The following RAPGEF4 variants were observed in gnomAD, a reference collection of about 807,000 sequenced individuals.
RAPGEF4 encodes Rap guanine nucleotide exchange factor 4.
Under a neutral mutation model 147.9 loss-of-function variants are expected in RAPGEF4, and 66 were observed. The ratio of observed to expected loss-of-function variants is 0.45; its 90% CI spans 0.37 to 0.55. RAPGEF4 has a LOEUF of 0.55. RAPGEF4 is among the 20% of genes least tolerant of loss of function. RAPGEF4 has a pLI of 0.00. For synonymous variants in RAPGEF4, 419 were observed against 442.7 expected (o/e 0.95, Z 0.67); for missense variants, 1,071 against 1,257.3 (o/e 0.85, Z 2.24).
chr2:172,815,170 T>C (rs1368578234), intron 4 of RAPGEF4, among the ~76,000 whole-genome samples: 2 of 152,238 alleles, frequency 1.3e-5, no homozygotes, highest in Non-Finnish European at 2.9e-5. Context: ...TGTCCTTAGC[T>C]CAGTATGTCC....
At chr2:173,000,938 T>C (rs894985777) in intron 16 of RAPGEF4, among the ~76,000 whole-genome samples, 1 of 152,022 alleles carries the variant, frequency 6.6e-6, no homozygotes, top group African/African-American at 2.4e-5. Context: ...CGACCATGTC[T>C]TCGTTCTGCA....
intron 6 of RAPGEF4, among the ~76,000 whole-genome samples, chr2:172,949,486 C>T (rs77376478): frequency 4.9e-4 from 75 of 152,220 alleles, no homozygotes; most frequent in African/African-American, 1.7e-3. Context: ...TACCCTAACC[C>T]GATCAATAAT....
intron 4 of RAPGEF4, among the ~76,000 whole-genome samples, chr2:172,815,351 A>T (rs933696794): frequency 1.3e-5 from 2 of 152,254 alleles, no homozygotes; most frequent in Admixed American, 6.5e-5. Flanking sequence ...GCTTTGCCTT[A>T]AAAGTCATGC....
intron 27 of RAPGEF4, among the ~76,000 whole-genome samples, chr2:173,034,478 T>C (rs1317820161): frequency 1.3e-5 from 2 of 152,176 alleles, no homozygotes; most frequent in Non-Finnish European, 2.9e-5. Context: ...TTTGCTTTCA[T>C]AGGAAATATC....
At chr2:172,946,111 C>T (rs1404809302) in intron 6 of RAPGEF4, among the ~76,000 whole-genome samples, 1 of 152,020 alleles carries the variant, frequency 6.6e-6, no homozygotes, top group Non-Finnish European at 1.5e-5. Flanking sequence ...ATGCTGTATA[C>T]ATTTAAAGGA....
chr2:172,970,818 A>G (rs1042696441), intron 10 of RAPGEF4, among the ~76,000 whole-genome samples: 4 of 152,210 alleles, frequency 2.6e-5, no homozygotes, highest in African/African-American at 9.6e-5. Context: ...AAAAAAACAC[A>G]TACATTCTGC....
intron 1 of RAPGEF4, among the ~76,000 whole-genome samples, chr2:172,767,966 G>A (rs1213412431): frequency 4.6e-5 from 7 of 151,914 alleles, no homozygotes; most frequent in Admixed American, 3.3e-4. Context: ...GCCTGCCACC[G>A]TGCCCAGCTC....
At chr2:172,990,748 A>T in intron 14 of RAPGEF4, 62 bp from the exon 15 acceptor site, 1 of 1,243,902 alleles carries the variant, frequency 8.0e-7, no homozygotes, top group Non-Finnish European at 1.2e-6. Flanking sequence ...GAAGCATTTG[A>T]AAATTTTTTC....
At chr2:172,887,367 A>T (rs1318999175) in intron 4 of RAPGEF4, among the ~76,000 whole-genome samples, 1 of 152,202 alleles carries the variant, frequency 6.6e-6, no homozygotes, top group Non-Finnish European at 1.5e-5. Context: ...CTTAAAAAAA[A>T]TTTAACATTT....
intron 3 of RAPGEF4, among the ~76,000 whole-genome samples, chr2:172,803,679 G>A (rs1278792977): frequency 1.3e-5 from 2 of 152,058 alleles, no homozygotes; most frequent in African/African-American, 2.4e-5. Context: ...TCAGAAAATG[G>A]GATTTTATTT....
intron 17 of RAPGEF4, among the ~76,000 whole-genome samples, chr2:173,009,615 A>G (rs1694821784): frequency 6.6e-6 from 1 of 152,172 alleles, no homozygotes; most frequent in Non-Finnish European, 1.5e-5. Context: ...ATCCAAAACC[A>G]CTTCTGGTCC....
At position 172,822,019 on chromosome 2, in the gene RAPGEF4, TG is replaced by T; in HGVS notation, c.444+7598del. 1.9e-6 allele frequency: 3 copies of T among 1,600,170 alleles called. 1 individual carries two copies. Among genetic ancestry groups the T allele is most frequent in the Middle Eastern group, 1.7e-4 (1 of 6,034 alleles). ...TATTTTTTAGTGAAGGGTGGGAGAGTGGGGAAATACTACATGTTACTGTTTG... is the reference window on the plus strand; with the variant it reads ...TATTTTTTAGTGAAGGGTGGGAGAGTGGGAAATACTACATGTTACTGTTTG... On this transcript the variant is annotated intron_variant, in intron 4 of 30. Coordinates refer to ENST00000397081, the MANE Select transcript of RAPGEF4 (RefSeq NM_007023.4).
At chr2:172,809,961 A>G (rs1197521222) in intron 3 of RAPGEF4, among the ~76,000 whole-genome samples, 1 of 152,222 alleles carries the variant, frequency 6.6e-6, no homozygotes, top group African/African-American at 2.4e-5. Flanking sequence ...AAGAGGAGCA[A>G]TGCCAAATGT....
At chr2:172,832,630 T>G (rs890318135) in intron 4 of RAPGEF4, among the ~76,000 whole-genome samples, 5 of 152,216 alleles carry the variant, frequency 3.3e-5, no homozygotes, top group African/African-American at 1.2e-4. Flanking sequence ...TAATTTGAAC[T>G]TCCTAGCTCG....
intron 1 of RAPGEF4, among the ~76,000 whole-genome samples, chr2:172,763,599 G>T (rs1696550874): frequency 6.6e-6 from 1 of 152,126 alleles, no homozygotes. Context: ...TCATTCAGAT[G>T]ATTTATTTCC....
intron 1 of RAPGEF4, among the ~76,000 whole-genome samples, chr2:172,739,873 G>C (rs1030622911): frequency 1.3e-5 from 2 of 152,206 alleles, no homozygotes; most frequent in Non-Finnish European, 2.9e-5. Flanking sequence ...GCTATGGCCT[G>C]TGGGCCAGAT....
chr2:173,019,954 C>A (rs1695902201), intron 22 of RAPGEF4, among the ~76,000 whole-genome samples: 1 of 152,218 alleles, frequency 6.6e-6, no homozygotes, highest in Non-Finnish European at 1.5e-5. Flanking sequence ...TTGTTGGCAT[C>A]TCCCACTATG....
intron 1 of RAPGEF4, among the ~76,000 whole-genome samples, chr2:172,778,559 G>A (rs1684390464): frequency 6.6e-6 from 1 of 152,076 alleles, no homozygotes; most frequent in Non-Finnish European, 1.5e-5. Context: ...GTAGTTGCTG[G>A]TGTGAAAATG....
chr2:172,954,821 G>A (rs930811777), intron 6 of RAPGEF4, among the ~76,000 whole-genome samples: 1 of 152,150 alleles, frequency 6.6e-6, no homozygotes, highest in Non-Finnish European at 1.5e-5. Flanking sequence ...TAAGAAAAGG[G>A]GGATTTGAAA....
Sources: gnomAD v4.1 joint callset for allele counts (sites outside exome capture counted in the v4.1 genomes callset) on GRCh38, gnomAD v4.1.1 for gene constraint, MANE v1.5 for transcripts, NCBI Gene and HGNC (gene_info 2026-07-23, HGNC 2026-07-21) for gene names.